ARHGEF2: variants seen among roughly 807,000 people sequenced by gnomAD.
The protein encoded by ARHGEF2 is rho guanine nucleotide exchange factor 2.
In ARHGEF2, 22 loss-of-function variants were observed where a neutral mutation model predicts 121.0. The observed-to-expected ratio is 0.18, with a 90% CI of 0.13 to 0.26. ARHGEF2 has a LOEUF of 0.26. Ranked by LOEUF, ARHGEF2 falls within the 10% of genes least tolerant of loss-of-function variation. The pLI, the probability that ARHGEF2 is intolerant of heterozygous loss-of-function variation, is 1.00. For missense variants in ARHGEF2, 907 were observed against 1,336.0 expected, an observed-to-expected ratio of 0.68 and a Z score of 5.01; for synonymous variants, 487 against 530.0, an observed-to-expected ratio of 0.92 and a Z score of 1.11.
chr1:155,970,098 C>T (rs1432643187), intron 1 of ARHGEF2: 2 of 985,360 alleles, frequency 2.0e-6, no homozygotes, highest in East Asian at 1.1e-4. Flanking sequence ...TTTTATCCCT[C>T]TCATACTACT....
At chr1:155,948,736 G>C (rs1572033391) in intron 21 of ARHGEF2, among the ~76,000 whole-genome samples, 1 of 152,172 alleles carries the variant, frequency 6.6e-6, no homozygotes, top group Non-Finnish European at 1.5e-5. Flanking sequence ...AGGAGTTTGA[G>C]TCCAGCCTCG....
chr1:155,956,887 CAAAAA>C (rs34831517), intron 13 of ARHGEF2, among the ~76,000 whole-genome samples: 1 of 80,430 alleles, frequency 1.2e-5, no homozygotes, highest in South Asian at 4.6e-4. Context: ...ACTCTGTCTC[CAAAAA>C]AAAAAAAAAA....
chr1:155,963,012 T>C lies in ARHGEF2; in HGVS notation c.896A>G (p.Glu299Gly). 1 of 1,614,092 alleles carries C rather than the reference T, an allele frequency of 6.2e-7. No individual in the cohort carries two copies. Among genetic ancestry groups the C allele is most frequent in the Non-Finnish European group, 8.5e-7 (1 of 1,180,028 alleles). Residue 299 changes from glutamate to glycine, a missense_variant, in exon 8 of 22, where the codon GAA becomes GGA. Transcript: ENST00000361247. The part of the protein sequence containing the change: ...IHTRFLSQLL[E>G]RRRQALCPGS... Reference sequence around the variant, plus strand: ...AGGGCACAGGGCCTGGCGTCGGCGTTCTAATAGCTGGCTGAGGAAGCGTGT... The same window carrying C: ...AGGGCACAGGGCCTGGCGTCGGCGTCCTAATAGCTGGCTGAGGAAGCGTGT...
intron 1 of ARHGEF2, among the ~76,000 whole-genome samples, chr1:155,971,621 C>T (rs1680482303): frequency 6.9e-6 from 1 of 145,510 alleles, no homozygotes; most frequent in South Asian, 2.2e-4. Context: ...TGAATAATAA[C>T]CTCACAGGAC....
chr1:155,951,105 C>T lies in ARHGEF2; in HGVS notation c.2427G>A (p.Arg809=). The T allele has an allele frequency of 6.2e-7, 1 of 1,602,948 alleles. No homozygotes were observed. The highest frequency in any genetic ancestry group is 8.5e-7 in the Non-Finnish European group (1 of 1,176,466). ...KQATELALLQ[R]QHALLQEELR... is the part of the protein sequence containing the mutation. ...GCTCCTCCTGCAGCAGCGCATGTTG[C>T]CGCTGCAGTAATGCCAGTTCCGTGG... The change falls in exon 20 of 22, where the codon CGG becomes CGA. Residue 809 remains arginine (R), a synonymous_variant. Coordinates refer to ENST00000361247, the MANE Select transcript of ARHGEF2 (RefSeq NM_001162383.2). This position sits in a 1 kb window ranked among gnomAD's most constrained non-coding sequence, Gnocchi z 5.1.
intron 11 of ARHGEF2, among the ~76,000 whole-genome samples, chr1:155,960,379 G>A (rs2102654752): frequency 6.6e-6 from 1 of 151,972 alleles, no homozygotes; most frequent in South Asian, 2.1e-4. Context: ...TAAGGCAGAA[G>A]GATCACTTGA....
In ARHGEF2 at chr1:155,965,487, A is replaced by G; in HGVS notation, c.471-75T>C. 1 of 1,596,628 alleles carries G rather than the reference A, an allele frequency of 6.3e-7. No individual in the cohort carries two copies. The highest frequency in any genetic ancestry group is 1.1e-5 in the South Asian group (1 of 90,468). ...CCTTCCCAGGTAGGGAACCAAAGCCAGGATCCAAGAGGCGGTCCCCCTAAG... is the reference window on the plus strand; with the variant it reads ...CCTTCCCAGGTAGGGAACCAAAGCCGGGATCCAAGAGGCGGTCCCCCTAAG... On this transcript the variant is annotated intron_variant, in intron 5 of 21. Coordinates refer to ENST00000361247, the MANE Select transcript of ARHGEF2 (RefSeq NM_001162383.2). This position sits in a 1 kb window ranked among gnomAD's most constrained non-coding sequence, Gnocchi z 6.0.
intron 1 of ARHGEF2, chr1:155,970,929 A>C (rs1022285968): frequency 2.2e-5 from 22 of 985,986 alleles, no homozygotes; most frequent in Middle Eastern, 5.1e-4. Flanking sequence ...CCCATCCCCA[A>C]TCATCCATTT....
chr1:155,966,671 C>A, intron 3 of ARHGEF2, 149 bp downstream of exon 3: 1 of 1,060,552 alleles, frequency 9.4e-7, no homozygotes, highest in African/African-American at 1.6e-5. Flanking sequence ...CTACTTGGGG[C>A]CCGAGGCCTG....
Position 155,978,309 on chromosome 1 carries a change from G to A in ARHGEF2, c.63+56C>T, listed in dbSNP as rs1681695702. 1 of 1,412,050 alleles carries A rather than the reference G, an allele frequency of 7.1e-7. No individual in the cohort carries two copies. Among genetic ancestry groups the A allele is most frequent in the East Asian group, 2.8e-5 (1 of 35,240 alleles). 87.5% of individuals were successfully genotyped at this position (1,412,050 alleles called of 1,614,324 possible). ...AGACAGGAGATGCACCGCGGGTGCCGGGGTTCGGGGAGCACCCGAGGACCG... is the reference window on the plus strand; with the variant it reads ...AGACAGGAGATGCACCGCGGGTGCCAGGGTTCGGGGAGCACCCGAGGACCG... On this transcript the variant is annotated intron_variant, in intron 1 of 21. Coordinates refer to ENST00000361247, the MANE Select transcript of ARHGEF2 (RefSeq NM_001162383.2). This position sits in a 1 kb window ranked among gnomAD's most constrained non-coding sequence, Gnocchi z 4.1.
In ARHGEF2 at chr1:155,969,607, C is replaced by A; in HGVS notation, c.64-307G>T. The A allele has an allele frequency of 1.6e-6, 2 of 1,218,736 alleles. 1 individual carries two copies. Among genetic ancestry groups the A allele is most frequent in the South Asian group, 4.1e-5 (2 of 48,486 alleles). The allele number at this position is 1,218,736 out of a possible 1,614,324, so 75.5% of individuals were successfully genotyped here. A position where few individuals can be genotyped will look rare whatever the true frequency, so the allele number is the denominator to read the frequency against. ...TCTAGGTCTCTGCGTCCTCACTCCA[C>A]CTTCCCAGCCCTAGCTCTGCTCACC... On this transcript the variant is annotated intron_variant, in intron 1 of 21. Coordinates refer to ENST00000361247, the MANE Select transcript of ARHGEF2 (RefSeq NM_001162383.2).
Position 155,951,676 on chromosome 1 carries a change from G to T in ARHGEF2, c.2208+65C>A. On this transcript the variant is annotated intron_variant, in intron 18 of 21. Transcript: ENST00000361247. This position sits in a 1 kb window ranked among gnomAD's most constrained non-coding sequence, Gnocchi z 5.1. ...CTTTCCCCACCCCACTCCAAACTGG[G>T]CTCTAACTACTCAGACTAAGAACAT... 6.2e-7 allele frequency: 1 copy of T among 1,611,502 alleles called. No homozygotes were observed. The highest frequency in any genetic ancestry group is 8.5e-7 in the Non-Finnish European group (1 of 1,177,732).
chr1:155,965,892 G>GCATTC lies in ARHGEF2; in HGVS notation c.341-133_341-132insGAATG. ...TCAGCCCCTCTAGTCAAGAAAGATG[G>GCATTC]TAATGAGAATGCCACCTTACATTTG... On this transcript the variant is annotated intron_variant, in intron 4 of 21. Coordinates refer to ENST00000361247, the MANE Select transcript of ARHGEF2 (RefSeq NM_001162383.2). This position sits in a 1 kb window ranked among gnomAD's most constrained non-coding sequence, Gnocchi z 6.0. 1 of 1,148,928 alleles carries GCATTC rather than the reference G, an allele frequency of 8.7e-7. No individual in the cohort carries two copies. The highest frequency in any genetic ancestry group is 1.2e-6 in the Non-Finnish European group (1 of 853,062). The allele number at this position is 1,148,928 out of a possible 1,614,324, so 71.2% of individuals were successfully genotyped here. A position where few individuals can be genotyped will look rare whatever the true frequency, so the allele number is the denominator to read the frequency against.
chr1:155,973,790 TGGCA>T (rs1324780568), intron 1 of ARHGEF2, among the ~76,000 whole-genome samples: 14 of 151,090 alleles, frequency 9.3e-5, no homozygotes, highest in Non-Finnish European at 1.2e-4. Flanking sequence ...ATGGGAGCAA[TGGCA>T]GAGGGCATTG....
rs1680322735 is a variant in ARHGEF2, at chr1:155,970,843, C to A, written c.64-1543G>T. On this transcript the variant is annotated intron_variant, in intron 1 of 21. Coordinates refer to ENST00000361247, the MANE Select transcript of ARHGEF2 (RefSeq NM_001162383.2). ...TCCTTCTCTTTCCTGCCTCTCTTCC[C>A]AAGCTCCAGGTTTGCCTGATGATGT... 6.1e-6 allele frequency: 6 copies of A among 986,388 alleles called. No individual in the cohort carries two copies. In the South Asian group the frequency reaches 1.9e-4, roughly 31 times the overall value. 61.1% of individuals were successfully genotyped at this position (986,388 alleles called of 1,614,324 possible). A position where few individuals can be genotyped will look rare whatever the true frequency, so the allele number is the denominator to read the frequency against.
intron 3 of ARHGEF2, among the ~76,000 whole-genome samples, 155 bp downstream of exon 3, chr1:155,966,665 T>C (rs1418756775): frequency 6.6e-6 from 1 of 152,062 alleles, no homozygotes; most frequent in Non-Finnish European, 1.5e-5. Flanking sequence ...CCTGGCCTAC[T>C]TGGGGCCCGA....
chr1:155,963,318 TTAGA>T, intron 7 of ARHGEF2, 135 bp from the exon 8 acceptor site: 1 of 768,200 alleles, frequency 1.3e-6, no homozygotes, highest in East Asian at 2.7e-5. Context: ...TATTATGATC[TTAGA>T]TACTTTTCTA....
rs188558433 is a variant in ARHGEF2, at chr1:155,971,842, G to C, written c.64-2542C>G. 1.5e-4 allele frequency among the ~76,000 whole-genome samples: 22 copies of C among 151,120 alleles called. No homozygotes were observed. The East Asian group carries it at 3.9e-3, about 27-fold the overall frequency. ...GTGGGAGGATCGCTTGAGGCCAGGA[G>C]TTTGAGAACAACCTGAGCAACACAG... On this transcript the variant is annotated intron_variant, in intron 1 of 21. Coordinates refer to ENST00000361247, the MANE Select transcript of ARHGEF2 (RefSeq NM_001162383.2).
At chr1:155,971,387 G>A (rs549403042) in intron 1 of ARHGEF2, among the ~76,000 whole-genome samples, 1 of 151,872 alleles carries the variant, frequency 6.6e-6, no homozygotes, top group East Asian at 1.9e-4. Flanking sequence ...AGACCAGCCT[G>A]ACCAACATGG....
Sources: allele counts gnomAD v4.1 joint callset (sites outside exome capture counted in the v4.1 genomes callset), GRCh38; gene constraint gnomAD v4.1.1; non-coding constraint Gnocchi (gnomAD v3.1); transcripts MANE v1.5; gene names NCBI Gene and HGNC (gene_info 2026-07-23, HGNC 2026-07-21).